MGST1: variants seen among roughly 807,000 people sequenced by gnomAD.
MGST1 encodes glutathione S-transferase 12.
In MGST1, 5 loss-of-function variants were observed where a neutral mutation model predicts 8.9. The ratio of observed to expected loss-of-function variants is 0.56; its 90% CI spans 0.29 to 1.19. The LOEUF (loss-of-function observed/expected upper bound fraction) is 1.19. MGST1 is among the 50% of genes most tolerant of loss of function. The pLI, the probability that MGST1 is intolerant of heterozygous loss-of-function variation, is 0.08. For synonymous variants in MGST1, 54 were observed against 67.8 expected, an observed-to-expected ratio of 0.80 and a Z score of 1.00; for missense variants, 182 against 187.4, an observed-to-expected ratio of 0.97 and a Z score of 0.17.
chr12:16,515,865 G>A (rs997103038), intron 4 of MGST1, among the ~76,000 whole-genome samples: 5 of 151,968 alleles, frequency 3.3e-5, no homozygotes. Flanking sequence ...TGAGTCAGAC[G>A]CACAGGCTAG....
intron 1 of MGST1, among the ~76,000 whole-genome samples, chr12:16,406,074 C>T (rs1386628541): frequency 6.6e-6 from 1 of 152,058 alleles, no homozygotes; most frequent in Non-Finnish European, 1.5e-5. Flanking sequence ...ATTCAGGCAA[C>T]AGAAAGAAAG....
At chr12:16,419,088 C>T (rs1940810468) in intron 1 of MGST1, among the ~76,000 whole-genome samples, 1 of 152,156 alleles carries the variant, frequency 6.6e-6, no homozygotes, top group African/African-American at 2.4e-5. Context: ...ATTGGAGCCA[C>T]TTCTCTTCAA....
rs1375658483 is a variant in MGST1, at chr12:16,497,802, T to A, written n.483-91726T>A. Among the ~76,000 whole-genome samples, 2 of 152,160 alleles carry A rather than the reference T, an allele frequency of 1.3e-5. No homozygotes were observed. The highest frequency in any genetic ancestry group is 2.9e-5 in the Non-Finnish European group (2 of 68,012). ...GGTTCTCAAACTTTGTGCGCTTTTGTAAGAATTCCCTTGGTAATATGTTAA... is the reference window on the plus strand; with the variant it reads ...GGTTCTCAAACTTTGTGCGCTTTTGAAAGAATTCCCTTGGTAATATGTTAA... On this transcript the variant is annotated intron_variant and non_coding_transcript_variant, in intron 4 of 4. Transcript: ENST00000538857. The surrounding 1 kb of genome is among the most constrained non-coding windows in gnomAD (Gnocchi z 4.4).
chr12:16,456,379 AAT>A (rs1941172614), intron 4 of MGST1, among the ~76,000 whole-genome samples: 1 of 151,928 alleles, frequency 6.6e-6, no homozygotes, highest in African/African-American at 2.4e-5. Context: ...TGAATAAAAA[AAT>A]ATAGTTTATC....
intron 4 of MGST1, among the ~76,000 whole-genome samples, chr12:16,508,959 A>G (rs998260986): frequency 6.6e-6 from 1 of 152,174 alleles, no homozygotes; most frequent in Non-Finnish European, 1.5e-5. Context: ...ACCCTTTGCC[A>G]GCAGTGGTTT....
chr12:16,484,532 C>T (rs576616709), intron 4 of MGST1, among the ~76,000 whole-genome samples: 2 of 152,236 alleles, frequency 1.3e-5, no homozygotes, highest in Non-Finnish European at 2.9e-5. Context: ...GCTCACAGTT[C>T]CACAGGCTAT....
intron 4 of MGST1, among the ~76,000 whole-genome samples, chr12:16,478,937 A>G (rs1301111326): frequency 1.3e-5 from 2 of 152,156 alleles, no homozygotes; most frequent in Non-Finnish European, 2.9e-5. Context: ...AAAATAAAAC[A>G]TATCACTAAA....
At chr12:16,380,147 T>C (rs937187472), downstream of MGST1, among the ~76,000 whole-genome samples, 39 of 152,196 alleles carry the variant, frequency 2.6e-4, no homozygotes, top group South Asian at 1.0e-3. Context: ...TTCCTTCAGT[T>C]CTGCTCTGAT....
intron 3 of MGST1, among the ~76,000 whole-genome samples, chr12:16,371,674 T>C (rs1041179629): frequency 2.0e-5 from 3 of 152,018 alleles, no homozygotes; most frequent in African/African-American, 7.2e-5. Flanking sequence ...AGATCTTTGT[T>C]ACAAAAAAAG....
At chr12:16,436,130 C>T (rs983242144) in intron 1 of MGST1, among the ~76,000 whole-genome samples, 17 of 151,854 alleles carry the variant, frequency 1.1e-4, no homozygotes, top group African/African-American at 4.1e-4. Flanking sequence ...CCTCTTCCAA[C>T]AGGAAAAAGG....
At chr12:16,466,474 A>G (rs1941255954) in intron 4 of MGST1, among the ~76,000 whole-genome samples, 1 of 152,236 alleles carries the variant, frequency 6.6e-6, no homozygotes, top group Non-Finnish European at 1.5e-5. Flanking sequence ...AAAGATGCTA[A>G]CACAGCTTCC....
At chr12:16,489,438 G>A (rs906433962) in intron 4 of MGST1, among the ~76,000 whole-genome samples, 2 of 152,048 alleles carry the variant, frequency 1.3e-5, no homozygotes, top group Non-Finnish European at 2.9e-5. Flanking sequence ...AGCTCATAAT[G>A]GGATATCTGG....
intron 2 of MGST1, 112 bp from the exon 3 acceptor site, chr12:16,357,493 T>G: frequency 1.3e-6 from 1 of 787,966 alleles, no homozygotes; most frequent in Non-Finnish European, 2.0e-6. Flanking sequence ...GATCTTGAAT[T>G]CTTGGGCTCA....
In MGST1 at chr12:16,560,627, A is replaced by G; in HGVS notation, n.483-28901A>G. The G allele has an allele frequency of 8.6e-7, 1 of 1,164,952 alleles. No individual in the cohort carries two copies. The allele number at this position is 1,164,952 out of a possible 1,614,324, so 72.2% of individuals were successfully genotyped here. ...GAGATGATGTTAATATACTCTGTAAAGCTACAATACACAATGCTTTATGAT... is the reference window on the plus strand; with the variant it reads ...GAGATGATGTTAATATACTCTGTAAGGCTACAATACACAATGCTTTATGAT... On this transcript the variant is annotated intron_variant and non_coding_transcript_variant, in intron 4 of 4. Transcript: ENST00000538857. This position sits in a 1 kb window ranked among gnomAD's most constrained non-coding sequence, Gnocchi z 5.0.
At chr12:16,541,424 T>C (rs2137212884) in intron 4 of MGST1, among the ~76,000 whole-genome samples, 1 of 152,326 alleles carries the variant, frequency 6.6e-6, no homozygotes, top group East Asian at 1.9e-4. Context: ...GGCTTTCTTT[T>C]TGATCTGTCT....
chr12:16,524,598 C>T (rs12830013), intron 4 of MGST1, among the ~76,000 whole-genome samples: 34,422 of 151,986 alleles, frequency 0.23, 5,073 homozygotes, highest in Non-Finnish European at 0.32. Flanking sequence ...AGAGGGAACA[C>T]CAAACCTGTT....
At chr12:16,432,503 C>T (rs1388573705) in intron 1 of MGST1, among the ~76,000 whole-genome samples, 2 of 151,882 alleles carry the variant, frequency 1.3e-5, no homozygotes, top group Non-Finnish European at 2.9e-5. Context: ...GAATTTTTTT[C>T]CTCTTGATTT....
chr12:16,372,088 A>G (rs1940302955), intron 3 of MGST1, among the ~76,000 whole-genome samples: 1 of 152,120 alleles, frequency 6.6e-6, no homozygotes, highest in African/African-American at 2.4e-5. Flanking sequence ...TTATAAGAAG[A>G]AAACATTAAG....
At chr12:16,535,057 A>C (rs182960290) in intron 4 of MGST1, among the ~76,000 whole-genome samples, 5 of 152,254 alleles carry the variant, frequency 3.3e-5, no homozygotes, top group Admixed American at 2.6e-4. Context: ...GGTCCCCCTT[A>C]GGGTTTGACT....
Sources: gnomAD v4.1 joint callset for allele counts (sites outside exome capture counted in the v4.1 genomes callset) on GRCh38, gnomAD v4.1.1 for gene constraint, Gnocchi (gnomAD v3.1) non-coding constraint, MANE v1.5 for transcripts, NCBI Gene and HGNC (gene_info 2026-07-23, HGNC 2026-07-21) for gene names.